MKX: variants seen among roughly 807,000 people sequenced by gnomAD.
MKX encodes mohawk homeobox, also known as homeobox protein Mohawk.
In MKX, 13 loss-of-function variants were observed where a neutral mutation model predicts 36.0. The ratio of observed to expected loss-of-function variants is 0.36; its 90% CI spans 0.24 to 0.57. The LOEUF is 0.57. Among genes scored for constraint, MKX ranks in the 20% least tolerant of loss-of-function variants. The pLI is 0.79. For synonymous variants in MKX, 176 were observed against 178.3 expected (o/e 0.99, Z 0.10); for missense variants, 458 against 456.4 (o/e 1.00, Z -0.03).
rs778169038 is a variant in MKX at position 27,734,611 on chromosome 10, T to C, written c.683A>G (p.Asn228Ser). 2 of 1,614,172 alleles carry C rather than the reference T, an allele frequency of 1.2e-6. No individual in the cohort carries two copies. Among genetic ancestry groups the C allele is most frequent in the South Asian group, 2.2e-5 (2 of 91,084 alleles). Residue 228 changes from asparagine (N) to serine (S), a missense_variant, in exon 5 of 7, where the codon AAT becomes AGT. Asn to Ser is a conservative substitution (Grantham distance 46). Around this residue, in one of 3 missense-constraint regions of MKX, gnomAD observed 297 missense variants for 304.4 expected, o/e 0.98. Coordinates refer to ENST00000419761, the MANE Select transcript of MKX (RefSeq NM_173576.3). ...YKSSLLNRYL[N>S]DSLRHVMATN... is the part of the protein sequence containing the mutation. ...GGCCATGACATGTCTCAAAGAGTCA[T>C]TAAGGTAACGGTTCAACAAGCTGCT...
intron 3 of MKX, among the ~76,000 whole-genome samples, chr10:27,737,124 G>C (rs73604051): frequency 0.016 from 2,475 of 152,236 alleles, 58 homozygotes; most frequent in African/African-American, 0.056. Flanking sequence ...ATACACTGGT[G>C]AACATTAGCT....
rs1264167442 is a variant in MKX at position 27,744,103 on chromosome 10, C to A, written c.-82-606G>T. Among the ~76,000 whole-genome samples, 1 of 152,074 alleles carries A rather than the reference C, an allele frequency of 6.6e-6. No homozygotes were observed. The highest frequency in any genetic ancestry group is 1.9e-4 in the East Asian group (1 of 5,162). On this transcript the variant is annotated intron_variant, in intron 1 of 6. Coordinates refer to ENST00000419761, the MANE Select transcript of MKX (RefSeq NM_173576.3). The surrounding 1 kb of genome is among the most constrained non-coding windows in gnomAD (Gnocchi z 5.6). ...GCATCTTCTGTCCGCCAAGGTCCCC[C>A]GGGGTGAGGTTGGGTTCAAGGACAG...
intron 3 of MKX, among the ~76,000 whole-genome samples, chr10:27,735,982 T>G (rs772209497): frequency 1.4e-4 from 21 of 152,232 alleles, no homozygotes; most frequent in Admixed American, 3.9e-4. Flanking sequence ...AGATGAAACT[T>G]TCTGAGGATA....
intron 5 of MKX, among the ~76,000 whole-genome samples, chr10:27,712,414 A>G (rs982629954): frequency 6.6e-6 from 1 of 152,164 alleles, no homozygotes; most frequent in Non-Finnish European, 1.5e-5. Context: ...CTGAGCATGG[A>G]ACAGAGTTTG....
At chr10:27,743,525 T>G in intron 1 of MKX, 28 bp from the exon 2 acceptor site, 1 of 1,204,288 alleles carries the variant, frequency 8.3e-7, no homozygotes, top group Non-Finnish European at 1.1e-6. Flanking sequence ...ATCTCGTTAC[T>G]TACTGGCTGA....
chr10:27,681,378 G>A (rs1359416657), intron 5 of MKX, among the ~76,000 whole-genome samples: 1 of 152,160 alleles, frequency 6.6e-6, no homozygotes, highest in African/African-American at 2.4e-5. Context: ...GAACCCCGCA[G>A]GCGGAGGTTG....
At chr10:27,700,509 T>C (rs1836631673) in intron 5 of MKX, among the ~76,000 whole-genome samples, 1 of 152,220 alleles carries the variant, frequency 6.6e-6, no homozygotes, top group Non-Finnish European at 1.5e-5. Flanking sequence ...AATTGTGCTT[T>C]TGGAATAATG....
intron 1 of MKX, among the ~76,000 whole-genome samples, chr10:27,743,924 C>T (rs183397404): frequency 2.6e-5 from 4 of 152,170 alleles, no homozygotes; most frequent in Non-Finnish European, 5.9e-5. Flanking sequence ...GGAACCCCAA[C>T]TCGGGGCGTC....
chr10:27,679,313 A>ATTCTCC (rs1199366908), intron 5 of MKX, among the ~76,000 whole-genome samples: 1 of 152,272 alleles, frequency 6.6e-6, no homozygotes, highest in African/African-American at 2.4e-5. Flanking sequence ...AGTAATGGAG[A>ATTCTCC]ATAGTGTGAA....
At chr10:27,712,955 A>G (rs1412706650) in intron 5 of MKX, among the ~76,000 whole-genome samples, 1 of 152,096 alleles carries the variant, frequency 6.6e-6, no homozygotes, top group East Asian at 1.9e-4. Flanking sequence ...AACAACAATA[A>G]TAAAGTCATA....
chr10:27,690,365 A>C (rs1470023724), intron 5 of MKX, among the ~76,000 whole-genome samples: 2 of 137,960 alleles, frequency 1.4e-5, no homozygotes, highest in African/African-American at 5.4e-5. Flanking sequence ...GTGAGACTCC[A>C]TCTCAAAAAA....
chr10:27,709,216 A>G (rs771450402), intron 5 of MKX, among the ~76,000 whole-genome samples: 7 of 152,152 alleles, frequency 4.6e-5, no homozygotes, highest in Non-Finnish European at 1.0e-4. Flanking sequence ...AAAAATACAG[A>G]TAAAAAATAC....
At position 27,741,678 on chromosome 10, in the gene MKX, T is replaced by C. The variant is rs1386827701; in HGVS notation, c.189-174A>G. Among the ~76,000 whole-genome samples, 1 of 152,186 alleles carries C rather than the reference T, an allele frequency of 6.6e-6. No homozygotes were observed. Among genetic ancestry groups the C allele is most frequent in the Non-Finnish European group, 1.5e-5 (1 of 68,030 alleles). ...AGGCAGGAAGTGGGAGCCACACAGT[T>C]TCTGGATGGGGAGATCATTTCGATA... On this transcript the variant is annotated intron_variant, in intron 2 of 6. Coordinates refer to ENST00000419761, the MANE Select transcript of MKX (RefSeq NM_173576.3). The surrounding 1 kb of genome is among the most constrained non-coding windows in gnomAD (Gnocchi z 5.1).
chr10:27,698,037 G>T (rs775739825), intron 5 of MKX, among the ~76,000 whole-genome samples: 13 of 152,202 alleles, frequency 8.5e-5, no homozygotes, highest in Middle Eastern at 3.2e-3. Flanking sequence ...AGGTCAAGGT[G>T]AACAGGAGTT....
chr10:27,694,819 A>C (rs1216419525), intron 5 of MKX, among the ~76,000 whole-genome samples: 3 of 152,038 alleles, frequency 2.0e-5, no homozygotes, highest in African/African-American at 7.2e-5. Context: ...TCATACAAAA[A>C]AGCCTGGCAC....
rs1469647141 is a variant in MKX, at chr10:27,675,311, C to G, written c.977G>C (p.Gly326Ala). 6.2e-6 allele frequency: 10 copies of G among 1,614,056 alleles called. No individual in the cohort carries two copies. Among genetic ancestry groups the G allele is most frequent in the African/African-American group, 1.3e-5 (1 of 74,926 alleles). Reference protein sequence around the residue: ...NLAQGKDKLQGTTSCIIQKSS... With the variant: ...NLAQGKDKLQATTSCIIQKSS... Reference sequence around the variant, plus strand: ...CTTCTGGATGATGCAGCTGGTAGTTCCCTGCAGTTTGTCCTTTCCCTGTGC... The same window carrying G: ...CTTCTGGATGATGCAGCTGGTAGTTGCCTGCAGTTTGTCCTTTCCCTGTGC... The change falls in exon 7 of 7, where the codon GGA becomes GCA. Residue 326 changes from glycine to alanine, a missense_variant. Physicochemically the swap from Gly to Ala is moderately conservative, Grantham distance 60. Around this residue, in one of 3 missense-constraint regions of MKX, gnomAD observed 297 missense variants for 304.4 expected, o/e 0.98. Coordinates refer to ENST00000419761, the MANE Select transcript of MKX (RefSeq NM_173576.3).
intron 5 of MKX, among the ~76,000 whole-genome samples, chr10:27,719,705 C>T (rs1305806355): frequency 6.6e-6 from 1 of 152,018 alleles, no homozygotes; most frequent in Admixed American, 6.6e-5. Context: ...TTTATAGGGC[C>T]AGGCATGTTG....
At chr10:27,728,990 T>C (rs1256213130) in intron 5 of MKX, among the ~76,000 whole-genome samples, 1 of 152,164 alleles carries the variant, frequency 6.6e-6, no homozygotes, top group Non-Finnish European at 1.5e-5. Context: ...CCTCCCAGAG[T>C]GTCCCATGCA....
At chr10:27,701,309 G>A (rs1408383104) in intron 5 of MKX, among the ~76,000 whole-genome samples, 2 of 151,394 alleles carry the variant, frequency 1.3e-5, no homozygotes, top group African/African-American at 4.8e-5. Context: ...GGCACGCAGC[G>A]CATTCTCACG....
Sources: gnomAD v4.1 joint callset for allele counts (sites outside exome capture counted in the v4.1 genomes callset) on GRCh38, gnomAD v4.1.1 for gene constraint, gnomAD v4.1.1 regional missense constraint, Gnocchi (gnomAD v3.1) non-coding constraint, MANE v1.5 for transcripts, NCBI Gene and HGNC (gene_info 2026-07-23, HGNC 2026-07-21) for gene names.